NUP88: variants seen among roughly 807,000 people sequenced by gnomAD.
The protein encoded by NUP88 is nuclear pore complex protein Nup88.
NUP88 carries 57 observed loss-of-function variants against 93.9 expected under a neutral mutation model. The ratio of observed to expected loss-of-function variants is 0.61; its 90% CI spans 0.49 to 0.76. The LOEUF (loss-of-function observed/expected upper bound fraction) is 0.76. Among genes scored for constraint, NUP88 ranks in the 30% least tolerant of loss-of-function variants. The pLI, the probability that NUP88 is intolerant of heterozygous loss-of-function variation, is 0.00. For synonymous variants in NUP88, 346 were observed against 336.8 expected (o/e 1.03, Z -0.30); for missense variants, 911 against 901.0 (o/e 1.01, Z -0.14).
intron 3 of NUP88, among the ~76,000 whole-genome samples, chr17:5,413,015 G>C (rs1462812508): frequency 6.6e-6 from 1 of 152,234 alleles, no homozygotes; most frequent in Non-Finnish European, 1.5e-5. Context: ...TGAAAGATTT[G>C]AGATCAAATA....
intron 2 of NUP88, among the ~76,000 whole-genome samples, chr17:5,416,165 A>T (rs1388679390): frequency 0.011 from 1,203 of 109,994 alleles, 15 homozygotes; most frequent in Non-Finnish European, 0.015. Context: ...AAAAAAAAAA[A>T]AGTATATATA....
rs373699333 is a variant in NUP88 at position 5,419,655 on chromosome 17, G to C, written c.-5C>G. The C allele has an allele frequency of 1.3e-6, 2 of 1,581,614 alleles. No homozygotes were observed. Among genetic ancestry groups the C allele is most frequent in the Non-Finnish European group, 1.7e-6 (2 of 1,164,176 alleles). On this transcript the variant is annotated 5_prime_UTR_variant, in exon 1 of 17. Transcript: ENST00000573584. ...CGGTCCCTCGGCGGCCGCCATCTTG[G>C]CCCAACTGCTCCCCTCACTCCAGTT...
chr17:5,400,721 G>A (rs1913109581), intron 7 of NUP88, among the ~76,000 whole-genome samples: 1 of 152,156 alleles, frequency 6.6e-6, no homozygotes, highest in South Asian at 2.1e-4. Context: ...TGAAGCAAAT[G>A]CACTTCTACA....
At chr17:5,400,049 T>TA (rs1364349698) in intron 7 of NUP88, among the ~76,000 whole-genome samples, 1 of 126,072 alleles carries the variant, frequency 7.9e-6, no homozygotes, top group Non-Finnish European at 1.6e-5. Flanking sequence ...TTTTTATTGC[T>TA]AAAAAATGCT....
At chr17:5,408,930 C>A in intron 4 of NUP88, 21 bp from the exon 5 acceptor site, 2 of 1,521,260 alleles carry the variant, frequency 1.3e-6, no homozygotes, top group Non-Finnish European at 8.8e-7. Context: ...ATGTAAAAAC[C>A]AACTTGTTAA....
intron 7 of NUP88, among the ~76,000 whole-genome samples, chr17:5,402,372 C>G (rs1317045916): frequency 1.3e-5 from 2 of 152,086 alleles, no homozygotes; most frequent in Non-Finnish European, 2.9e-5. Flanking sequence ...CACGTCTACA[C>G]TTAAGATTTC....
At chr17:5,418,288 C>T (rs1914314681) in intron 1 of NUP88, 1 of 152,134 alleles carries the variant, frequency 6.6e-6, no homozygotes, top group Non-Finnish European at 1.5e-5. Flanking sequence ...CAGTCTTGCT[C>T]TGTTGCCCAG....
intron 8 of NUP88, 24 bp downstream of exon 8, chr17:5,399,528 A>G (rs774646234): frequency 8.5e-7 from 1 of 1,176,934 alleles, no homozygotes; most frequent in Non-Finnish European, 1.3e-6. Flanking sequence ...ATCTATTAAA[A>G]GTGCAGAGAG....
chr17:5,413,947 T>C (rs1045205121), intron 3 of NUP88, 62 bp downstream of exon 3: 7 of 1,576,236 alleles, frequency 4.4e-6, no homozygotes, highest in African/African-American at 2.7e-5. Context: ...GAGCTGTTAA[T>C]TGGCAAACAG....
At chr17:5,406,927 A>G (rs1913532693) in intron 5 of NUP88, among the ~76,000 whole-genome samples, 1 of 152,180 alleles carries the variant, frequency 6.6e-6, no homozygotes, top group Admixed American at 6.5e-5. Flanking sequence ...TCACAAAATC[A>G]ATAGAAATTT....
chr17:5,390,238 A>G (rs1912331528), intron 10 of NUP88, among the ~76,000 whole-genome samples: 1 of 152,116 alleles, frequency 6.6e-6, no homozygotes, highest in South Asian at 2.1e-4. Context: ...ATTCTGAAGT[A>G]AGCTAGTGTG....
At chr17:5,390,181 A>AAAAAAT (rs1555528177) in intron 10 of NUP88, among the ~76,000 whole-genome samples, 27 of 147,826 alleles carry the variant, frequency 1.8e-4, no homozygotes, top group African/African-American at 6.8e-4. Context: ...AAAAAAAAAA[A>AAAAAAT]TATCCAGACA....
chr17:5,393,689 A>G (rs7502643), intron 9 of NUP88, among the ~76,000 whole-genome samples: 71,835 of 151,716 alleles, frequency 0.47, 17,839 homozygotes, highest in East Asian at 0.84. Flanking sequence ...ACCCACCTCG[A>G]TCTCCCAAAA....
chr17:5,415,982 T>C (rs1411234839), intron 2 of NUP88, among the ~76,000 whole-genome samples: 3 of 151,296 alleles, frequency 2.0e-5, no homozygotes, highest in Non-Finnish European at 1.5e-5. Flanking sequence ...CCGTCTCTAC[T>C]AAAAATACAA....
Position 5,405,099 on chromosome 17 carries a change from A to G in NUP88, c.1002T>C (p.Tyr334=). Residue 334 remains tyrosine (Y), a synonymous_variant, in exon 6 of 17, where the codon TAT becomes TAC. Transcript: ENST00000573584. ...LVIATESGML[Y]HCVVLEGEEE... The stretch of plus-strand genomic sequence containing the variant: ...CTTCCCCTTCTAGCACGACACAGTG[A>G]TACAGCATTCCTGATTCAGTAGCGA... 6.2e-7 allele frequency: 1 copy of G among 1,614,196 alleles called. No individual in the cohort carries two copies. The highest frequency in any genetic ancestry group is 8.5e-7 in the Non-Finnish European group (1 of 1,180,030).
chr17:5,413,455 C>G (rs1913959472), intron 3 of NUP88, among the ~76,000 whole-genome samples: 1 of 152,196 alleles, frequency 6.6e-6, no homozygotes, highest in Middle Eastern at 3.4e-3. Context: ...CTGCTGAGTC[C>G]CCCCAATAAC....
At chr17:5,400,317 T>C (rs989139817) in intron 7 of NUP88, among the ~76,000 whole-genome samples, 3 of 151,456 alleles carry the variant, frequency 2.0e-5, no homozygotes, top group Non-Finnish European at 2.9e-5. Context: ...ATCAACATGG[T>C]GAAAACCCGT....
rs570483143 is a variant in NUP88 at position 5,386,658 on chromosome 17, T to C, written c.2162+50A>G. On this transcript the variant is annotated intron_variant, in intron 16 of 16. Coordinates refer to ENST00000573584, the MANE Select transcript of NUP88 (RefSeq NM_002532.6). ...AAGACAGGTTGATTCTGGCATACTGTAAAGGAAAAACTATCTCACGATAAT... is the reference window on the plus strand; with the variant it reads ...AAGACAGGTTGATTCTGGCATACTGCAAAGGAAAAACTATCTCACGATAAT... 2.4e-6 allele frequency: 3 copies of C among 1,254,690 alleles called. No homozygotes were observed. In the Admixed American group the frequency reaches 5.1e-5, roughly 21 times the overall value. The allele number at this position is 1,254,690 out of a possible 1,614,324, so 77.7% of individuals were successfully genotyped here. A position where few individuals can be genotyped will look rare whatever the true frequency, so the allele number is the denominator to read the frequency against.
rs772714757 is a variant in NUP88 at position 5,416,661 on chromosome 17, G to C, written c.319C>G (p.Pro107Ala). ...AAGACTTGATAGATTTCAAACAGGG[G>C]TGGATTTATGCAAAGCAATCTCTGA... ...QYQRLLCINP[P>A]LFEIYQVLLS... Residue 107 changes from proline (P) to alanine (A), a missense_variant, in exon 2 of 17, where the codon CCC becomes GCC. By Grantham distance (27) the Pro-to-Ala change is conservative (BLOSUM62 -1). Transcript: ENST00000573584. 6.2e-7 allele frequency: 1 copy of C among 1,607,738 alleles called. No homozygotes were observed. The highest frequency in any genetic ancestry group is 8.5e-7 in the Non-Finnish European group (1 of 1,178,318).
Sources: gnomAD v4.1 joint callset for allele counts (sites outside exome capture counted in the v4.1 genomes callset) on GRCh38, gnomAD v4.1.1 for gene constraint, MANE v1.5 for transcripts, NCBI Gene and HGNC (gene_info 2026-07-23, HGNC 2026-07-21) for gene names.